Variants in NAALADL2 observed in about 807,000 individuals in gnomAD.
The protein encoded by NAALADL2 is N-acetylated alpha-linked acidic dipeptidase like 2.
NAALADL2 carries 76 observed loss-of-function variants against 87.2 expected under a neutral mutation model. That is an observed-to-expected ratio of 0.87 (90% CI 0.72 to 1.05). The LOEUF (loss-of-function observed/expected upper bound fraction) is 1.05, where lower values mean the gene tolerates loss of function less well. Ranked by LOEUF, NAALADL2 falls within the 50% of genes least tolerant of loss-of-function variation. The probability of loss-of-function intolerance (pLI) is 0.00; values close to 1 mark genes in which losing one functional copy is unlikely to be tolerated. For missense variants in NAALADL2, 1,089 were observed against 945.8 expected, an observed-to-expected ratio of 1.15 and a Z score of -1.99; for synonymous variants, 354 against 331.0, an observed-to-expected ratio of 1.07 and a Z score of -0.75.
Position 175,787,533 on chromosome 3 carries a change from G to A in NAALADL2, c.2190-15472G>A, listed in dbSNP as rs539838290. On this transcript the variant is annotated intron_variant, in intron 13 of 13. Transcript: ENST00000454872. ...GAAAGGGAACTCCCTGACCCCTTGC[G>A]CTTCCCAAGTGAGGCAATGCCTCGC... 3.4e-4 allele frequency among the ~76,000 whole-genome samples: 52 copies of A among 152,270 alleles called. 1 individual carries two copies. In the South Asian group the frequency reaches 4.1e-3, roughly 12 times the overall value.
intron 11 of NAALADL2, among the ~76,000 whole-genome samples, chr3:175,660,050 T>C (rs543314538): frequency 6.6e-6 from 1 of 152,236 alleles, no homozygotes; most frequent in African/African-American, 2.4e-5. Flanking sequence ...TTGATCACCG[T>C]GGGCTTCAAA....
chr3:174,563,873 C>T (rs1437697546), intron 2 of NAALADL2, among the ~76,000 whole-genome samples: 3 of 152,082 alleles, frequency 2.0e-5, no homozygotes, highest in Non-Finnish European at 2.9e-5. Context: ...CAAAACCCGT[C>T]GTAAGAGTCA....
chr3:175,533,977 T>C (rs1303072397), intron 9 of NAALADL2, among the ~76,000 whole-genome samples: 2 of 151,616 alleles, frequency 1.3e-5, no homozygotes, highest in Non-Finnish European at 2.9e-5. Flanking sequence ...ATAGAGTCAG[T>C]AAACTCCTTG....
intron 2 of NAALADL2, among the ~76,000 whole-genome samples, chr3:175,178,295 A>G (rs190727829): frequency 6.6e-6 from 1 of 152,202 alleles, no homozygotes; most frequent in African/African-American, 2.4e-5. Context: ...TAATAAAAAA[A>G]GGGTACATAT....
intron 11 of NAALADL2, among the ~76,000 whole-genome samples, chr3:175,717,691 CA>C (rs11401276): frequency 2.1e-3 from 225 of 109,590 alleles, no homozygotes; most frequent in Middle Eastern, 5.2e-3. Context: ...ACCCTGTCTC[CA>C]AAAAAAAAAA....
At chr3:175,628,091 T>C (rs1291626178) in intron 11 of NAALADL2, among the ~76,000 whole-genome samples, 2 of 151,820 alleles carry the variant, frequency 1.3e-5, no homozygotes, top group Non-Finnish European at 3.0e-5. Context: ...TTCACCTTTC[T>C]ATTTTTTGAC....
chr3:175,574,760 A>G (rs1043687081), intron 9 of NAALADL2, among the ~76,000 whole-genome samples: 9 of 152,094 alleles, frequency 5.9e-5, no homozygotes, highest in Non-Finnish European at 1.3e-4. Context: ...GTTTTATTTT[A>G]TATAGATTAT....
chr3:175,623,284 AT>A (rs1726493188), intron 10 of NAALADL2, among the ~76,000 whole-genome samples: 1 of 65,002 alleles, frequency 1.5e-5, no homozygotes, highest in Non-Finnish European at 3.9e-5. Flanking sequence ...TACAGCTTTT[AT>A]TTGTGCCTTA....
chr3:174,474,545 A>G (rs1305678440), intron 1 of NAALADL2, among the ~76,000 whole-genome samples: 1 of 152,128 alleles, frequency 6.6e-6, no homozygotes, highest in Non-Finnish European at 1.5e-5. Context: ...AAAATCAGTA[A>G]TATTTACATA....
intron 2 of NAALADL2, among the ~76,000 whole-genome samples, chr3:174,718,661 C>T (rs546375494): frequency 1.3e-5 from 2 of 152,272 alleles, no homozygotes; most frequent in African/African-American, 4.8e-5. Context: ...AAGCAACTTA[C>T]CTAAGTTTCC....
rs77074667 is a variant in NAALADL2, at chr3:174,864,234, A to T, written c.43+4784A>T. On this transcript the variant is annotated intron_variant, in intron 1 of 13. Coordinates refer to ENST00000454872, the MANE Select transcript of NAALADL2 (RefSeq NM_207015.3). ...CTGAAGTAAAGCCTAAGAAATAGTT[A>T]ATGAAATCAACTAACTGAGCTTATG... 1.3e-3 allele frequency: 447 copies of T among 335,328 alleles called. 3 individuals are homozygous for T. The highest frequency in any genetic ancestry group is 7.7e-3 in the African/African-American group (348 of 44,992). The allele number at this position is 335,328 out of a possible 1,614,324, so 20.8% of individuals were successfully genotyped here.
At chr3:175,462,456 A>G (rs1301109631) in intron 6 of NAALADL2, among the ~76,000 whole-genome samples, 1 of 152,202 alleles carries the variant, frequency 6.6e-6, no homozygotes, top group Non-Finnish European at 1.5e-5. Flanking sequence ...CTTGAGGGAA[A>G]GAAGTAATAT....
intron 2 of NAALADL2, among the ~76,000 whole-genome samples, chr3:175,127,859 A>C (rs1727207077): frequency 6.6e-6 from 1 of 152,146 alleles, no homozygotes; most frequent in African/African-American, 2.4e-5. Context: ...TCTCTACATA[A>C]ATAAATGAAT....
intron 10 of NAALADL2, among the ~76,000 whole-genome samples, chr3:175,605,891 A>T (rs1270260250): frequency 6.6e-6 from 1 of 152,138 alleles, no homozygotes; most frequent in South Asian, 2.1e-4. Flanking sequence ...TAAAATAACT[A>T]CTTTCTTCAG....
At chr3:175,249,869 C>T (rs1314495912) in intron 3 of NAALADL2, among the ~76,000 whole-genome samples, 1 of 152,042 alleles carries the variant, frequency 6.6e-6, no homozygotes, top group Non-Finnish European at 1.5e-5. Context: ...GGGTCCTGAT[C>T]TGATAAGATT....
At chr3:175,229,195 A>G (rs1240792089) in intron 2 of NAALADL2, among the ~76,000 whole-genome samples, 4 of 151,854 alleles carry the variant, frequency 2.6e-5, no homozygotes, top group Non-Finnish European at 5.9e-5. Context: ...TCTGGAGGTC[A>G]TAGCCTGTGT....
At chr3:174,750,654 G>A (rs771581194) in intron 3 of NAALADL2, among the ~76,000 whole-genome samples, 4 of 151,938 alleles carry the variant, frequency 2.6e-5, no homozygotes, top group Admixed American at 6.6e-5. Context: ...GGCTAGTCTC[G>A]AACTCCTGAC....
At chr3:174,801,891 C>T (rs1230652402) in intron 3 of NAALADL2, among the ~76,000 whole-genome samples, 1 of 151,936 alleles carries the variant, frequency 6.6e-6, no homozygotes, top group Non-Finnish European at 1.5e-5. Flanking sequence ...TCTACTGTGA[C>T]ATCTCTGATG....
intron 1 of NAALADL2, among the ~76,000 whole-genome samples, chr3:175,076,358 A>G (rs1171843820): frequency 2.0e-5 from 3 of 150,078 alleles, no homozygotes; most frequent in Non-Finnish European, 4.4e-5. Flanking sequence ...TCTAGAGAAG[A>G]ATAGGTGTCT....
Sources: allele counts gnomAD v4.1 joint callset (sites outside exome capture counted in the v4.1 genomes callset), GRCh38; gene constraint gnomAD v4.1.1; transcripts MANE v1.5; gene names NCBI Gene and HGNC (gene_info 2026-07-23, HGNC 2026-07-21).